The following KLRF1 variants were observed in gnomAD, a reference collection of about 807,000 sequenced individuals.
KLRF1 encodes killer cell lectin-like receptor subfamily F member 1.
In KLRF1, 27 loss-of-function variants were observed where a neutral mutation model predicts 30.7. The ratio of observed to expected loss-of-function variants is 0.88; its 90% CI spans 0.65 to 1.21. KLRF1 has a LOEUF of 1.21. Ranked by LOEUF, KLRF1 falls within the 50% of genes most tolerant of loss-of-function variation. The probability of loss-of-function intolerance (pLI) is 0.00; values close to 1 mark genes in which losing one functional copy is unlikely to be tolerated. For missense variants in KLRF1, 246 were observed against 259.3 expected (o/e 0.95, Z 0.35); for synonymous variants, 92 against 89.3 (o/e 1.03, Z -0.17).
At chr12:9,810,348 G>A in the KLRF1 span, among the ~76,000 whole-genome samples, 13 of 152,248 alleles carry the variant, frequency 8.5e-5, no homozygotes, top group African/African-American at 2.6e-4. Flanking sequence ...TTAATAAGTG[G>A]TTAGAATAAC....
chr12:9,819,639 G>C, the KLRF1 span, among the ~76,000 whole-genome samples: 1 of 152,124 alleles, frequency 6.6e-6, no homozygotes, highest in Non-Finnish European at 1.5e-5. Flanking sequence ...GCTGGCAACA[G>C]GTCTGTACCC....
the KLRF1 span, among the ~76,000 whole-genome samples, chr12:9,805,684 A>T: frequency 6.6e-6 from 1 of 151,940 alleles, no homozygotes; most frequent in Non-Finnish European, 1.5e-5. Context: ...AAAACCACTG[A>T]TTTAATTTCT....
chr12:9,831,863 A>G (rs955431860), intron 1 of KLRF1, among the ~76,000 whole-genome samples: 1 of 152,176 alleles, frequency 6.6e-6, no homozygotes, highest in African/African-American at 2.4e-5. Context: ...GGATACCTAA[A>G]GCCATATTTA....
At chr12:9,818,316 A>C in the KLRF1 span, among the ~76,000 whole-genome samples, 1 of 152,178 alleles carries the variant, frequency 6.6e-6, no homozygotes, top group Non-Finnish European at 1.5e-5. Flanking sequence ...GTACCTGTCC[A>C]TGTCTGGTCT....
chr12:9,814,665 A>G, the KLRF1 span, among the ~76,000 whole-genome samples: 1 of 152,226 alleles, frequency 6.6e-6, no homozygotes, highest in African/African-American at 2.4e-5. Context: ...AAAGCCTGGT[A>G]CGGCCCACAA....
intron 3 of KLRF1, among the ~76,000 whole-genome samples, chr12:9,839,904 A>T (rs528801831): frequency 5.9e-5 from 9 of 152,288 alleles, no homozygotes; most frequent in African/African-American, 2.2e-4. Context: ...ATGAATGTTC[A>T]TTGTAACAAT....
At position 9,840,721 on chromosome 12, in the gene KLRF1, G is replaced by A. The variant is rs146976348; in HGVS notation, c.335-1091G>A. Among the ~76,000 whole-genome samples, 819 of 152,162 alleles carry A rather than the reference G, an allele frequency of 5.4e-3. 10 individuals are homozygous for A. The highest frequency in any genetic ancestry group is 0.01 in the Middle Eastern group (3 of 294). ...TGTGTGGTTTTTACTTGCATTTCCT[G>A]TAATGATCAGTGATGTTAACGACGA... On this transcript the variant is annotated intron_variant, in intron 3 of 5. Coordinates refer to ENST00000617889, the MANE Select transcript of KLRF1 (RefSeq NM_016523.3).
At chr12:9,826,947 A>G (rs1212195669), upstream of KLRF1, among the ~76,000 whole-genome samples, 1 of 152,034 alleles carries the variant, frequency 6.6e-6, no homozygotes, top group Non-Finnish European at 1.5e-5. Context: ...TGGGTGATGA[A>G]ATAATATGTA....
intron 3 of KLRF1, among the ~76,000 whole-genome samples, chr12:9,833,935 A>G (rs192427569): frequency 7.7e-6 from 1 of 129,560 alleles, no homozygotes; most frequent in Non-Finnish European, 1.6e-5. Flanking sequence ...TTGAGCAACA[A>G]GGCTGTTTAT....
intron 3 of KLRF1, among the ~76,000 whole-genome samples, chr12:9,835,955 G>T (rs890338459): frequency 6.6e-6 from 1 of 152,066 alleles, no homozygotes; most frequent in African/African-American, 2.4e-5. Flanking sequence ...CTTCAGGAGG[G>T]TAAAGGTGAG....
chr12:9,842,174 A>G, intron 4 of KLRF1, 147 bp from the exon 5 acceptor site: 1 of 851,504 alleles, frequency 1.2e-6, no homozygotes, highest in Non-Finnish European at 1.8e-6. Context: ...TAACATATAT[A>G]TGATATAATG....
the KLRF1 span, among the ~76,000 whole-genome samples, chr12:9,812,243 T>C: frequency 1.3e-5 from 2 of 151,936 alleles, no homozygotes; most frequent in African/African-American, 4.8e-5. Context: ...CGGGCGCCTG[T>C]AGTCCCAGCT....
At chr12:9,823,444 A>G (rs1403527099), upstream of KLRF1, among the ~76,000 whole-genome samples, 2 of 152,188 alleles carry the variant, frequency 1.3e-5, no homozygotes, top group Non-Finnish European at 2.9e-5. Context: ...AACTCATGAG[A>G]ACAAAGATAC....
At chr12:9,819,872 A>T in the KLRF1 span, among the ~76,000 whole-genome samples, 1 of 152,134 alleles carries the variant, frequency 6.6e-6, no homozygotes, top group South Asian at 2.1e-4. Flanking sequence ...ATTTACAACC[A>T]CCGGGTGTTT....
At position 9,833,294 on chromosome 12, in the gene KLRF1, G is replaced by A. The variant is rs771980839; in HGVS notation, c.185-9G>A. The A allele has an allele frequency of 1.2e-5, 19 of 1,579,512 alleles. No homozygotes were observed. In the African/African-American group the frequency reaches 1.9e-4, roughly 16 times the overall value. On this transcript the variant is annotated splice_polypyrimidine_tract_variant and intron_variant, in intron 2 of 5. Coordinates refer to ENST00000617889, the MANE Select transcript of KLRF1 (RefSeq NM_016523.3). ...ATTTACCTAACCTTAAAATAGTCCT[G>A]TATTCAAGTTTCTCAGGGAGTATTG... is the stretch of plus-strand genomic sequence containing the variant.
the KLRF1 span, among the ~76,000 whole-genome samples, chr12:9,814,999 C>T: frequency 2.6e-5 from 4 of 151,842 alleles, no homozygotes; most frequent in Non-Finnish European, 5.9e-5. Context: ...GAAGTGTTCC[C>T]AACACAAAGA....
chr12:9,807,934 A>C, the KLRF1 span, among the ~76,000 whole-genome samples: 3 of 152,146 alleles, frequency 2.0e-5, no homozygotes, highest in Admixed American at 6.5e-5. Context: ...TAACTAATAA[A>C]AACAACCATC....
At chr12:9,819,876 G>C in the KLRF1 span, among the ~76,000 whole-genome samples, 1 of 152,184 alleles carries the variant, frequency 6.6e-6, no homozygotes, top group South Asian at 2.1e-4. Flanking sequence ...ACAACCACCG[G>C]GTGTTTTCCA....
chr12:9,833,459 C>A lies in KLRF1; in HGVS notation c.334+7C>A. ...AGATCTGCAGACCAGACAGGTATGT[C>A]TCAAGGCTTTGGCTTATCCTAGTTT... On this transcript the variant is annotated splice_region_variant and intron_variant, in intron 3 of 5. Coordinates refer to ENST00000617889, the MANE Select transcript of KLRF1 (RefSeq NM_016523.3). 1 of 1,589,084 alleles carries A rather than the reference C, an allele frequency of 6.3e-7. No homozygotes were observed. The highest frequency in any genetic ancestry group is 1.2e-5 in the South Asian group (1 of 86,508).
Sources: gnomAD v4.1 joint callset for allele counts (sites outside exome capture counted in the v4.1 genomes callset) on GRCh38, gnomAD v4.1.1 for gene constraint, MANE v1.5 for transcripts, NCBI Gene and HGNC (gene_info 2026-07-23, HGNC 2026-07-21) for gene names.